ERC2: variants seen among roughly 807,000 people sequenced by gnomAD.
The protein encoded by ERC2 is ELKS/RAB6-interacting/CAST family member 2, also known as ERC protein 2.
ERC2 carries 42 observed loss-of-function variants against 114.8 expected under a neutral mutation model. The ratio of observed to expected loss-of-function variants is 0.37; its 90% CI spans 0.29 to 0.47. The LOEUF (loss-of-function observed/expected upper bound fraction) is 0.47, where lower values mean the gene tolerates loss of function less well. ERC2 is among the 20% of genes least tolerant of loss of function. The pLI is 0.99. For synonymous variants in ERC2, 454 were observed against 425.5 expected, an observed-to-expected ratio of 1.07 and a Z score of -0.82; for missense variants, 939 against 1,150.7, an observed-to-expected ratio of 0.82 and a Z score of 2.66.
intron 17 of ERC2, among the ~76,000 whole-genome samples, chr3:55,618,977 C>T (rs904622080): frequency 2.0e-5 from 3 of 152,150 alleles, no homozygotes; most frequent in African/African-American, 4.8e-5. Context: ...GTTGTTCAAG[C>T]GTAGTCTCCA....
intron 2 of ERC2, among the ~76,000 whole-genome samples, chr3:56,308,398 A>C (rs547591585): frequency 6.6e-6 from 1 of 152,358 alleles, no homozygotes; most frequent in African/African-American, 2.4e-5. Context: ...ATAAAAAAGA[A>C]GGAAAAATAC....
Position 55,760,755 on chromosome 3 carries a change from C to T in ERC2, c.2565-25837G>A, listed in dbSNP as rs536311988. On this transcript the variant is annotated intron_variant, in intron 14 of 17. Transcript: ENST00000288221. ...ACGTGAACACGCCATGTACAAATAA[C>T]GCTCAGATAAAATAATCCAGAAATA... Among the ~76,000 whole-genome samples the T allele has an allele frequency of 7.9e-5, 12 of 152,246 alleles. No individual in the cohort carries two copies. The East Asian group carries it at 1.2e-3, about 15-fold the overall frequency.
intron 2 of ERC2, among the ~76,000 whole-genome samples, chr3:56,371,893 A>G (rs573596128): frequency 9.2e-5 from 14 of 152,312 alleles, no homozygotes; most frequent in African/African-American, 3.1e-4. Flanking sequence ...ACATACAAAT[A>G]TTACCATCTT....
At chr3:56,215,109 A>G (rs945187286) in intron 3 of ERC2, among the ~76,000 whole-genome samples, 55 of 152,206 alleles carry the variant, frequency 3.6e-4, no homozygotes, top group African/African-American at 1.3e-3. Context: ...ACGAGCTAAC[A>G]TCATAATGAC....
chr3:56,166,426 G>A (rs969696069), intron 4 of ERC2, among the ~76,000 whole-genome samples: 8 of 151,938 alleles, frequency 5.3e-5, no homozygotes, highest in South Asian at 4.1e-4. Context: ...TTCTAGAAGA[G>A]TTTCTGTATG....
intron 6 of ERC2, among the ~76,000 whole-genome samples, chr3:56,122,563 G>C (rs1163578440): frequency 6.6e-6 from 1 of 152,100 alleles, no homozygotes; most frequent in African/African-American, 2.4e-5. Context: ...CCACTATAAA[G>C]AAAGAAGTCT....
intron 2 of ERC2, among the ~76,000 whole-genome samples, chr3:56,340,542 A>ATGTGTGTGTGTGTGTGTGTGTGTG (rs10690369): frequency 2.1e-5 from 3 of 141,528 alleles, no homozygotes; most frequent in African/African-American, 8.0e-5. Flanking sequence ...GAGAGAGTGA[A>ATGTGTGTGTGTGTGTGTGTGTGTG]TGTGTGTGTG....
chr3:56,435,834 C>T (rs1340251782), intron 1 of ERC2, among the ~76,000 whole-genome samples: 1 of 152,202 alleles, frequency 6.6e-6, no homozygotes, highest in Non-Finnish European at 1.5e-5. Flanking sequence ...TAGCCAGATC[C>T]TCAATGATAT....
intron 2 of ERC2, among the ~76,000 whole-genome samples, chr3:56,364,279 C>G (rs4974136): frequency 7.9e-5 from 12 of 151,856 alleles, no homozygotes; most frequent in African/African-American, 2.9e-4. Flanking sequence ...AGAGAGCTCC[C>G]GTATGCGGTG....
intron 3 of ERC2, among the ~76,000 whole-genome samples, chr3:56,205,295 G>A (rs1182022435): frequency 2.6e-5 from 4 of 152,096 alleles, no homozygotes; most frequent in Admixed American, 2.0e-4. Context: ...GTGACAATAC[G>A]TAAAATTGCT....
intron 1 of ERC2, among the ~76,000 whole-genome samples, chr3:56,443,229 A>G (rs546237410): frequency 6.6e-6 from 1 of 152,254 alleles, no homozygotes; most frequent in Non-Finnish European, 1.5e-5. Flanking sequence ...CAAGATCACA[A>G]TGGGCAAGAG....
At chr3:55,981,601 AGGAGGAGGG>A (rs1487735738) in intron 12 of ERC2, among the ~76,000 whole-genome samples, 1 of 152,300 alleles carries the variant, frequency 6.6e-6, no homozygotes, top group East Asian at 1.9e-4. Context: ...AAGAAGAGGA[AGGAGGAGGG>A]GGAGGAGAGG....
At chr3:55,511,924 C>T (rs574519530) in intron 17 of ERC2, among the ~76,000 whole-genome samples, 3 of 152,340 alleles carry the variant, frequency 2.0e-5, no homozygotes, top group African/African-American at 7.2e-5. Flanking sequence ...TCCCACACTA[C>T]TGCTTCAGAT....
rs1259099912 is a variant in ERC2 at position 55,602,268 on chromosome 3, G to A, written c.*39+81526C>T. On this transcript the variant is annotated intron_variant, in intron 17 of 17. Transcript: ENST00000288221. ...GTGAAAGATGCCTCTGGATCCAGAGGGCAGTGAGAGAAGGCAGTTCTCTGG... is the reference window on the plus strand; with the variant it reads ...GTGAAAGATGCCTCTGGATCCAGAGAGCAGTGAGAGAAGGCAGTTCTCTGG... 2.0e-5 allele frequency among the ~76,000 whole-genome samples: 3 copies of A among 152,280 alleles called. No individual in the cohort carries two copies. The East Asian group carries it at 5.8e-4, about 29-fold the overall frequency.
chr3:55,528,868 C>A (rs1214576237), intron 17 of ERC2, among the ~76,000 whole-genome samples: 1 of 152,148 alleles, frequency 6.6e-6, no homozygotes, highest in Non-Finnish European at 1.5e-5. Flanking sequence ...CCAGACCTTG[C>A]CAAATGTCCC....
intron 14 of ERC2, among the ~76,000 whole-genome samples, chr3:55,849,806 T>C (rs1424492791): frequency 2.0e-5 from 3 of 152,200 alleles, no homozygotes; most frequent in Non-Finnish European, 4.4e-5. Context: ...ATTCCAGGAC[T>C]GCCCAAATTA....
intron 17 of ERC2, among the ~76,000 whole-genome samples, chr3:55,596,673 A>G (rs2058152828): frequency 6.6e-6 from 1 of 152,212 alleles, no homozygotes; most frequent in South Asian, 2.1e-4. Flanking sequence ...CTAAAAATAA[A>G]AGGTTGGAAG....
At chr3:55,861,581 A>AC (rs1553708187) in intron 14 of ERC2, among the ~76,000 whole-genome samples, 1 of 151,560 alleles carries the variant, frequency 6.6e-6, no homozygotes, top group Non-Finnish European at 1.5e-5. Context: ...AGTTATCCTA[A>AC]TTTTTTTTTC....
intron 3 of ERC2, among the ~76,000 whole-genome samples, chr3:56,290,147 A>T (rs2054989738): frequency 6.6e-6 from 1 of 152,242 alleles, no homozygotes; most frequent in Admixed American, 6.5e-5. Context: ...GAAGACTGCC[A>T]GTTAAAGCTA....
Sources: gnomAD v4.1 joint callset for allele counts (sites outside exome capture counted in the v4.1 genomes callset) on GRCh38, gnomAD v4.1.1 for gene constraint, MANE v1.5 for transcripts, NCBI Gene and HGNC (gene_info 2026-07-23, HGNC 2026-07-21) for gene names.